Variants in VWF observed in about 807,000 individuals in gnomAD.
The protein encoded by VWF is von Willebrand factor.
Under a neutral mutation model 308.6 loss-of-function variants are expected in VWF, and 176 were observed. That is an observed-to-expected ratio of 0.57 (90% CI 0.50 to 0.65). VWF has a LOEUF of 0.65. Ranked by LOEUF, VWF falls within the 30% of genes least tolerant of loss-of-function variation. The pLI is 0.00. For missense variants in VWF, 3,146 were observed against 3,648.2 expected (o/e 0.86, Z 3.55); for synonymous variants, 1,385 against 1,443.4 (o/e 0.96, Z 0.92).
At chr12:6,088,078 T>G (rs1295016546) in intron 6 of VWF, among the ~76,000 whole-genome samples, 2 of 152,234 alleles carry the variant, frequency 1.3e-5, no homozygotes, top group East Asian at 3.9e-4. Context: ...AAGTGACTAC[T>G]GTTCATATGG....
chr12:6,021,141 CTTGT>C (rs2136415566), intron 27 of VWF: 1 of 152,356 alleles, frequency 6.6e-6, no homozygotes, highest in South Asian at 2.1e-4. Flanking sequence ...AGTGTTCATT[CTTGT>C]TTGTACAGAT....
At chr12:5,986,424 T>C (rs377078411) in intron 38 of VWF, among the ~76,000 whole-genome samples, 11 of 152,216 alleles carry the variant, frequency 7.2e-5, no homozygotes, top group Non-Finnish European at 1.6e-4. Flanking sequence ...GATTCAGCCA[T>C]AAAGTTAAAT....
At chr12:5,960,303 A>G (rs1475111948) in intron 47 of VWF, among the ~76,000 whole-genome samples, 1 of 151,984 alleles carries the variant, frequency 6.6e-6, no homozygotes, top group Non-Finnish European at 1.5e-5. Context: ...CTGATTTACC[A>G]AACTAATTCA....
rs1944826874 is a variant in VWF at position 6,075,098 on chromosome 12, G to T, written c.874+237C>A. ...TGAGGGAAGTCAGGGGGCGCCAGGG[G>T]AGGCGTGGGGGCGGGACGGAGGCAG... On this transcript the variant is annotated intron_variant, in intron 7 of 51. Coordinates refer to ENST00000261405, the MANE Select transcript of VWF (RefSeq NM_000552.5). This position sits in a 1 kb window ranked among gnomAD's most constrained non-coding sequence, Gnocchi z 4.7. Among the ~76,000 whole-genome samples, 1 of 151,506 alleles carries T rather than the reference G, an allele frequency of 6.6e-6. No homozygotes were observed. The highest frequency in any genetic ancestry group is 2.4e-5 in the African/African-American group (1 of 41,208).
chr12:5,956,410 T>C (rs921577622), intron 47 of VWF, among the ~76,000 whole-genome samples: 3 of 152,094 alleles, frequency 2.0e-5, no homozygotes, highest in African/African-American at 4.8e-5. Flanking sequence ...TGGAACAAGA[T>C]GTGGAGGCAG....
chr12:6,103,422 G>T lies in VWF; in HGVS notation c.532+6952C>A, dbSNP rs556487779. 6.1e-5 allele frequency among the ~76,000 whole-genome samples: 7 copies of T among 114,074 alleles called. No homozygotes were observed. The South Asian group carries it at 9.3e-4, about 15-fold the overall frequency. The allele number at this position is 114,074 out of a possible 152,430, so 74.8% of individuals were successfully genotyped here. On this transcript the variant is annotated intron_variant, in intron 5 of 51. Coordinates refer to ENST00000261405, the MANE Select transcript of VWF (RefSeq NM_000552.5). Reference sequence around the variant, plus strand: ...CACGTGTGTGTATACACACGTGTGTGTATACACACGTGTGTATATACATAC... The same window carrying T: ...CACGTGTGTGTATACACACGTGTGTTTATACACACGTGTGTATATACATAC...
chr12:5,994,085 G>A lies in VWF; in HGVS notation c.6375C>T (p.Pro2125=), dbSNP rs373120381. 1.2e-6 allele frequency: 2 copies of A among 1,614,182 alleles called. No individual in the cohort carries two copies. Among genetic ancestry groups the A allele is most frequent in the Non-Finnish European group, 1.7e-6 (2 of 1,180,026 alleles). The change falls in exon 37 of 52, where the codon CCC becomes CCT. Residue 2125 remains proline, a synonymous_variant. Coordinates refer to ENST00000261405, the MANE Select transcript of VWF (RefSeq NM_000552.5). ...GGACAAGACACTGCTCCTCCAGGAT[G>A]GGCTGGCACGTCTGCCCTGGCCGCT... The part of the protein sequence containing the change: ...TVQRPGQTCQ[P]ILEEQCLVPD...
intron 6 of VWF, among the ~76,000 whole-genome samples, chr12:6,093,803 T>C (rs1480172251): frequency 1.3e-5 from 2 of 152,206 alleles, no homozygotes; most frequent in African/African-American, 4.8e-5. Flanking sequence ...AGACCATCTT[T>C]ACCTGTGGCA....
At chr12:6,057,826 G>A in intron 14 of VWF, 23 bp downstream of exon 14, 1 of 1,591,862 alleles carries the variant, frequency 6.3e-7, no homozygotes, top group South Asian at 1.1e-5. Context: ...CGAGGTCCCT[G>A]CCTTGCCCCC....
Position 6,092,614 on chromosome 12 carries a change from T to TGAGTGAGTGAGTGAGAGAGAGAGAGAGA in VWF, c.657+2845_657+2846insTCTCTCTCTCTCTCTCACTCACTCACTC, listed in dbSNP as rs71064187. Among the ~76,000 whole-genome samples, 80 of 86,090 alleles carry TGAGTGAGTGAGTGAGAGAGAGAGAGAGA rather than the reference T, an allele frequency of 9.3e-4. 4 individuals are homozygous for TGAGTGAGTGAGTGAGAGAGAGAGAGAGA. The highest frequency in any genetic ancestry group is 4.1e-3 in the African/African-American group (70 of 17,266). The allele number at this position is 86,090 out of a possible 152,430, so 56.5% of individuals were successfully genotyped here. On this transcript the variant is annotated intron_variant, in intron 6 of 51. Coordinates refer to ENST00000261405, the MANE Select transcript of VWF (RefSeq NM_000552.5). Reference sequence around the variant, plus strand: ...CATGCCCAGCTAGTTAGTGAGTGAGTGAGAGTGTGTGTGTGTGTGTGTGTG... The same window carrying TGAGTGAGTGAGTGAGAGAGAGAGAGAGA: ...CATGCCCAGCTAGTTAGTGAGTGAGTGAGTGAGTGAGTGAGAGAGAGAGAGAGAGAGAGTGTGTGTGTGTGTGTGTGTG...
chr12:6,079,177 C>T (rs560537684), intron 6 of VWF, among the ~76,000 whole-genome samples: 5 of 152,324 alleles, frequency 3.3e-5, no homozygotes, highest in Non-Finnish European at 5.9e-5. Flanking sequence ...CCAGGCAGGA[C>T]TTGCAGCTGG....
intron 47 of VWF, among the ~76,000 whole-genome samples, chr12:5,964,529 C>T (rs1943376359): frequency 6.6e-6 from 1 of 152,194 alleles, no homozygotes; most frequent in Non-Finnish European, 1.5e-5. Context: ...ATTTAGTGAT[C>T]ACCATTCAGA....
chr12:6,077,920 G>C (rs984900541), intron 6 of VWF, among the ~76,000 whole-genome samples: 7 of 152,144 alleles, frequency 4.6e-5, no homozygotes, highest in Admixed American at 3.9e-4. Flanking sequence ...GAGCTAAGCT[G>C]TTTACTCAAC....
chr12:5,985,554 G>C lies in VWF; in HGVS notation c.6901+9C>G. 6.2e-7 allele frequency: 1 copy of C among 1,612,976 alleles called. No individual in the cohort carries two copies. The highest frequency in any genetic ancestry group is 8.5e-7 in the Non-Finnish European group (1 of 1,179,452). ...TCCATGAAGGCACCAGGGAGGGGAG[G>C]ACTCTCACCTTTGGCCGTGGGGCAG... On this transcript the variant is annotated intron_variant, in intron 39 of 51. Transcript: ENST00000261405.
At position 5,996,023 on chromosome 12, in the gene VWF, G is replaced by A. The variant is rs980231066; in HGVS notation, c.6042C>T (p.Val2014=). 10 of 1,612,940 alleles carry A rather than the reference G, an allele frequency of 6.2e-6. No homozygotes were observed. In the Admixed American group the frequency reaches 1.0e-4, roughly 16 times the overall value. Residue 2014 remains valine (V), a synonymous_variant, in exon 35 of 52, where the codon GTC becomes GTT. Transcript: ENST00000261405. ...SIEVKHSALS[V]ELHSDMEVTV... ...TCACCTCCATGTCACTGTGCAGCTC[G>A]ACGGAGAGGGCACTGTGCTTCACCT...
At chr12:6,056,489 G>A (rs1313983713) in intron 15 of VWF, among the ~76,000 whole-genome samples, 6 of 152,072 alleles carry the variant, frequency 3.9e-5, no homozygotes, top group African/African-American at 9.7e-5. Context: ...TAAGGGAGGC[G>A]GAGACCCAGT....
At position 5,982,281 on chromosome 12, in the gene VWF, C is replaced by T. The variant is rs535824554; in HGVS notation, c.7082-290G>A. 3.3e-5 allele frequency among the ~76,000 whole-genome samples: 5 copies of T among 152,248 alleles called. No homozygotes were observed. In the East Asian group the frequency reaches 7.7e-4, roughly 23 times the overall value. ...CTTTCCCACATACATCTGGAAGGGG[C>T]GGGTTCCTTCATTCTCAGAGGTGTC... On this transcript the variant is annotated intron_variant, in intron 41 of 51. Transcript: ENST00000261405.
At chr12:6,032,324 C>G (rs1944273827) in intron 20 of VWF, among the ~76,000 whole-genome samples, 1 of 131,194 alleles carries the variant, frequency 7.6e-6, no homozygotes, top group Non-Finnish European at 1.7e-5. Flanking sequence ...GAGACTCCAT[C>G]TCAAAAAAAA....
At chr12:5,968,738 T>C (rs1487553406) in intron 45 of VWF, among the ~76,000 whole-genome samples, 2 of 152,150 alleles carry the variant, frequency 1.3e-5, no homozygotes, top group Non-Finnish European at 2.9e-5. Flanking sequence ...AAGGTTGCAG[T>C]GAGCCAAAAT....
Sources: gnomAD v4.1 joint callset for allele counts (sites outside exome capture counted in the v4.1 genomes callset) on GRCh38, gnomAD v4.1.1 for gene constraint, Gnocchi (gnomAD v3.1) non-coding constraint, MANE v1.5 for transcripts, NCBI Gene and HGNC (gene_info 2026-07-23, HGNC 2026-07-21) for gene names.